The following STK32B variants were observed in gnomAD, a reference collection of about 807,000 sequenced individuals.
The protein encoded by STK32B is serine/threonine-protein kinase 32B.
In STK32B, 43 loss-of-function variants were observed where a neutral mutation model predicts 52.6. The observed-to-expected ratio is 0.82, with a 90% confidence interval of 0.64 to 1.05. The LOEUF (loss-of-function observed/expected upper bound fraction) is 1.05. STK32B is among the 50% of genes least tolerant of loss of function. The pLI, the probability that STK32B is intolerant of heterozygous loss-of-function variation, is 0.00. For synonymous variants in STK32B, 238 were observed against 204.3 expected, an observed-to-expected ratio of 1.17 and a Z score of -1.41; for missense variants, 621 against 534.6, an observed-to-expected ratio of 1.16 and a Z score of -1.59.
At chr4:5,211,195 T>G (rs1722883709) in intron 3 of STK32B, among the ~76,000 whole-genome samples, 1 of 152,222 alleles carries the variant, frequency 6.6e-6, no homozygotes, top group Middle Eastern at 3.2e-3. Flanking sequence ...TTTCACTTTT[T>G]AAACTAGTAA....
intron 2 of STK32B, among the ~76,000 whole-genome samples, chr4:5,141,833 G>A (rs1223062787): frequency 6.6e-6 from 1 of 152,158 alleles, no homozygotes; most frequent in African/African-American, 2.4e-5. Context: ...ACCTTCCTCA[G>A]TGGGATGAGA....
At chr4:5,064,096 C>T (rs1214871032) in intron 1 of STK32B, among the ~76,000 whole-genome samples, 1 of 151,710 alleles carries the variant, frequency 6.6e-6, no homozygotes, top group Non-Finnish European at 1.5e-5. Context: ...TTTGCAATTT[C>T]ACTTTTCAAG....
intron 3 of STK32B, among the ~76,000 whole-genome samples, chr4:5,250,852 G>C (rs1202128393): frequency 6.6e-6 from 1 of 152,100 alleles, no homozygotes; most frequent in Non-Finnish European, 1.5e-5. Context: ...TGTTGGTCGT[G>C]TGTATGTCTT....
At chr4:5,488,697 A>G (rs1719430388) in intron 11 of STK32B, among the ~76,000 whole-genome samples, 1 of 152,088 alleles carries the variant, frequency 6.6e-6, no homozygotes, top group Admixed American at 6.6e-5. Context: ...ACCACACAAG[A>G]TTCTTTCTCA....
chr4:5,284,328 G>T (rs1728406261), intron 3 of STK32B, among the ~76,000 whole-genome samples: 2 of 152,056 alleles, frequency 1.3e-5, no homozygotes, highest in Admixed American at 1.3e-4. Context: ...ACAAGATTAA[G>T]ACAAAAGTAA....
chr4:5,163,858 C>T (rs1367238922), intron 2 of STK32B, among the ~76,000 whole-genome samples: 1 of 152,134 alleles, frequency 6.6e-6, no homozygotes, highest in Non-Finnish European at 1.5e-5. Flanking sequence ...GGAGAGAGGA[C>T]ACTTTGCGAG....
chr4:5,175,736 C>G (rs1577144058), intron 3 of STK32B, among the ~76,000 whole-genome samples: 1 of 152,188 alleles, frequency 6.6e-6, no homozygotes, highest in Non-Finnish European at 1.5e-5. Context: ...CCCAGTTAGG[C>G]TACTTGGGGA....
chr4:5,259,018 C>A (rs1726525922), intron 3 of STK32B, among the ~76,000 whole-genome samples: 1 of 152,174 alleles, frequency 6.6e-6, no homozygotes, highest in Admixed American at 6.5e-5. Context: ...GCCTGTTGTA[C>A]CCTCTTCCTA....
At chr4:5,155,703 T>G (rs1717771377) in intron 2 of STK32B, among the ~76,000 whole-genome samples, 1 of 152,184 alleles carries the variant, frequency 6.6e-6, no homozygotes, top group Admixed American at 6.5e-5. Flanking sequence ...GGTGTGGCAC[T>G]TCCTTGCTCT....
chr4:5,359,389 C>T (rs1163579840), intron 4 of STK32B, among the ~76,000 whole-genome samples: 1 of 148,944 alleles, frequency 6.7e-6, no homozygotes, highest in Non-Finnish European at 1.5e-5. Context: ...CCCTCCCTCC[C>T]TCCCTCCCTC....
intron 6 of STK32B, among the ~76,000 whole-genome samples, chr4:5,443,107 A>G (rs966105216): frequency 2.6e-4 from 39 of 151,120 alleles, no homozygotes; most frequent in Non-Finnish European, 2.9e-5. Context: ...CTCGAGGAGT[A>G]TCTTGGTGGC....
Position 5,347,342 on chromosome 4 carries a change from A to G in STK32B, c.434+15949A>G, listed in dbSNP as rs140230958. ...TTTATTTTCTATAAATAAAAATACT[A>G]TCTACAGTGAACATAAACATGATCT... On this transcript the variant is annotated intron_variant, in intron 4 of 11. Transcript: ENST00000282908. Among the ~76,000 whole-genome samples, 21 of 152,304 alleles carry G rather than the reference A, an allele frequency of 1.4e-4. No homozygotes were observed. In the East Asian group the frequency reaches 3.1e-3, roughly 22 times the overall value.
At chr4:5,439,399 T>C (rs1448754275) in intron 6 of STK32B, among the ~76,000 whole-genome samples, 2 of 152,058 alleles carry the variant, frequency 1.3e-5, no homozygotes, top group African/African-American at 2.4e-5. Flanking sequence ...CATAAATGTC[T>C]TCTTTTGAGA....
At chr4:5,261,775 C>G (rs1261894186) in intron 3 of STK32B, among the ~76,000 whole-genome samples, 1 of 152,140 alleles carries the variant, frequency 6.6e-6, no homozygotes, top group African/African-American at 2.4e-5. Flanking sequence ...ATTATTATTA[C>G]TATGACTACT....
At chr4:5,073,931 G>T (rs1209362005) in intron 1 of STK32B, among the ~76,000 whole-genome samples, 1 of 151,794 alleles carries the variant, frequency 6.6e-6, no homozygotes, top group Non-Finnish European at 1.5e-5. Flanking sequence ...GATATATCAA[G>T]ATGTGGTTTT....
At chr4:5,020,350 G>C in the STK32B span, among the ~76,000 whole-genome samples, 1 of 152,200 alleles carries the variant, frequency 6.6e-6, no homozygotes, top group East Asian at 1.9e-4. Context: ...AGGCTGGTGA[G>C]AGTGGCTCAC....
intron 3 of STK32B, among the ~76,000 whole-genome samples, chr4:5,172,749 A>G (rs1273672555): frequency 1.3e-5 from 2 of 152,140 alleles, no homozygotes; most frequent in Non-Finnish European, 2.9e-5. Flanking sequence ...AGGTTCATCA[A>G]GGATATTGGT....
intron 1 of STK32B, among the ~76,000 whole-genome samples, chr4:5,129,900 T>C (rs1715645238): frequency 6.6e-6 from 1 of 152,180 alleles, no homozygotes; most frequent in Non-Finnish European, 1.5e-5. Flanking sequence ...TCAGTAAATA[T>C]TTATTGAGTG....
At chr4:5,143,083 A>ATCTGTT (rs1716604113) in intron 2 of STK32B, among the ~76,000 whole-genome samples, 1 of 145,892 alleles carries the variant, frequency 6.9e-6, no homozygotes, top group Non-Finnish European at 1.5e-5. Flanking sequence ...TTTAAAATAA[A>ATCTGTT]TCTGTTTCTG....
Sources: gnomAD v4.1 joint callset for allele counts (sites outside exome capture counted in the v4.1 genomes callset) on GRCh38, gnomAD v4.1.1 for gene constraint, MANE v1.5 for transcripts, NCBI Gene and HGNC (gene_info 2026-07-23, HGNC 2026-07-21) for gene names.